Variants in FANCD2OS observed in about 807,000 individuals in gnomAD.
FANCD2OS encodes FANCD2 opposite strand.
In FANCD2OS, 11 loss-of-function variants were observed where a neutral mutation model predicts 13.2. The observed-to-expected ratio is 0.83, with a 90% CI of 0.52 to 1.38. The LOEUF (loss-of-function observed/expected upper bound fraction) is 1.38. FANCD2OS is among the 40% of genes most tolerant of loss of function. FANCD2OS has a pLI of 0.00. For synonymous variants in FANCD2OS, 69 were observed against 84.5 expected (o/e 0.82, Z 1.01); for missense variants, 217 against 213.9 (o/e 1.01, Z -0.09).
intron 2 of FANCD2OS, chr3:10,085,871 G>A (rs1444446954): frequency 6.2e-7 from 1 of 1,613,844 alleles, no homozygotes; most frequent in East Asian, 2.2e-5. Context: ...CATGTCCTTA[G>A]TAGCCGACTG....
downstream of FANCD2OS, among the ~76,000 whole-genome samples, chr3:10,102,648 C>T (rs1006181255): frequency 6.6e-6 from 1 of 151,410 alleles, no homozygotes; most frequent in Non-Finnish European, 1.5e-5. Context: ...CGAGACCATC[C>T]TGGCTAACAC....
intron 2 of FANCD2OS, among the ~76,000 whole-genome samples, chr3:10,082,659 C>T (rs1693915704): frequency 6.6e-6 from 1 of 152,108 alleles, no homozygotes. Context: ...TCTTCTTGAT[C>T]CCCAGCTTTT....
At chr3:10,095,930 G>C (rs987093363) in intron 2 of FANCD2OS, among the ~76,000 whole-genome samples, 2 of 148,156 alleles carry the variant, frequency 1.3e-5, no homozygotes, top group African/African-American at 5.0e-5. Context: ...AGCCCAGGCC[G>C]GAGTGCAGTG....
chr3:10,095,308 C>T (rs1270605965), intron 2 of FANCD2OS: 2 of 1,575,264 alleles, frequency 1.3e-6, no homozygotes, highest in Non-Finnish European at 1.7e-6. Context: ...CAGCAGCCTG[C>T]CTGTTGGCTT....
At chr3:10,101,347 T>A (rs1349040866), downstream of FANCD2OS, 5 of 981,846 alleles carry the variant, frequency 5.1e-6, no homozygotes, top group Non-Finnish European at 8.2e-6. Context: ...CTGTTTGCCT[T>A]TCTTACTGGT....
At chr3:10,091,516 CT>C (rs1375955968) in intron 2 of FANCD2OS, among the ~76,000 whole-genome samples, 1 of 151,944 alleles carries the variant, frequency 6.6e-6, no homozygotes, top group East Asian at 1.9e-4. Flanking sequence ...TGTAGCTTCT[CT>C]GCTTCCCTAT....
intron 1 of FANCD2OS, among the ~76,000 whole-genome samples, 195 bp from the exon 2 acceptor site, chr3:10,104,977 C>T (rs186106014): frequency 1.1e-4 from 16 of 152,160 alleles, no homozygotes; most frequent in African/African-American, 3.4e-4. Context: ...ACAAGAGTCT[C>T]GCTCTGTCAC....
At chr3:10,082,101 C>T (rs1693876587) in intron 2 of FANCD2OS, among the ~76,000 whole-genome samples, 1 of 152,244 alleles carries the variant, frequency 6.6e-6, no homozygotes, top group East Asian at 1.9e-4. Context: ...TGACACCTCA[C>T]ACTCCACATC....
At chr3:10,089,655 A>T (rs995261784) in intron 2 of FANCD2OS, among the ~76,000 whole-genome samples, 2 of 152,080 alleles carry the variant, frequency 1.3e-5, no homozygotes, top group African/African-American at 4.8e-5. Context: ...TTTTTAGTAG[A>T]GATTGGGTTT....
intron 2 of FANCD2OS, among the ~76,000 whole-genome samples, chr3:10,097,265 G>C (rs1263501910): frequency 6.6e-6 from 1 of 152,216 alleles, no homozygotes; most frequent in African/African-American, 2.4e-5. Flanking sequence ...TCAGGAGACA[G>C]GGTTTTGAGA....
At chr3:10,107,721 G>A (rs1013879612) in intron 1 of FANCD2OS, among the ~76,000 whole-genome samples, 1 of 152,044 alleles carries the variant, frequency 6.6e-6, no homozygotes, top group Non-Finnish European at 1.5e-5. Flanking sequence ...GCCAAGGCGG[G>A]CCAATCACTT....
In FANCD2OS at chr3:10,093,330, G is replaced by C. The variant is rs1482801348; in HGVS notation, c.*43+10868C>G. ...TCTGCATGTATGTTTGAAGGTGAGA[G>C]ATTTACTGGGCCCTGTTTCATATTT... On this transcript the variant is annotated intron_variant, in intron 2 of 2. Coordinates refer to the FANCD2OS transcript ENST00000524279. 4 of 1,606,420 alleles carry C rather than the reference G, an allele frequency of 2.5e-6. No homozygotes were observed. The highest frequency in any genetic ancestry group is 3.4e-6 in the Non-Finnish European group (4 of 1,173,106).
intron 2 of FANCD2OS, among the ~76,000 whole-genome samples, chr3:10,086,211 TCCAGGGACCTACTGTCTC>T: frequency 6.6e-6 from 1 of 152,352 alleles, no homozygotes; most frequent in African/African-American, 2.4e-5. Flanking sequence ...CTCTTGATTA[TCCAGGGACCTACTGTCTC>T]CCAGCAGATT....
rs139789014 is a variant in FANCD2OS at position 10,092,331 on chromosome 3, C to T, written c.*44-10800G>A. On this transcript the variant is annotated intron_variant, in intron 2 of 2. Coordinates refer to the FANCD2OS transcript ENST00000524279. ...GTCCTGGCTTCCAAAATGGACTTTC[C>T]TTGCTCCTCTTCCCACTCTTCCTTG... is the stretch of plus-strand genomic sequence containing the variant. 2,118 of 1,064,464 alleles carry T rather than the reference C, an allele frequency of 2.0e-3. 6 individuals carry two copies. Among genetic ancestry groups the T allele is most frequent in the Non-Finnish European group, 2.6e-3 (1,803 of 684,054 alleles). The allele number at this position is 1,064,464 out of a possible 1,614,324, so 65.9% of individuals were successfully genotyped here. A position where few individuals can be genotyped will look rare whatever the true frequency, so the allele number is the denominator to read the frequency against.
downstream of FANCD2OS, chr3:10,099,007 G>A: frequency 6.2e-7 from 1 of 1,613,440 alleles, no homozygotes; most frequent in East Asian, 2.2e-5. Context: ...CACAATCTTA[G>A]AATCACTCCT....
downstream of FANCD2OS, among the ~76,000 whole-genome samples, chr3:10,097,955 A>C (rs897967749): frequency 4.0e-5 from 6 of 151,716 alleles, no homozygotes; most frequent in African/African-American, 1.2e-4. Context: ...TTCCCGCAAC[A>C]ATCTCTAATT....
chr3:10,102,292 C>T (rs12152515), downstream of FANCD2OS, among the ~76,000 whole-genome samples: 36,471 of 151,630 alleles, frequency 0.24, 5,780 homozygotes, highest in African/African-American at 0.45. Context: ...TACAGGCACA[C>T]GCCACCATGC....
chr3:10,089,722 C>A (rs1438445077), intron 2 of FANCD2OS, among the ~76,000 whole-genome samples: 1 of 152,224 alleles, frequency 6.6e-6, no homozygotes, highest in Non-Finnish European at 1.5e-5. Flanking sequence ...CCTGCCTCGG[C>A]CTCTCAAAGT....
At chr3:10,085,848 G>T in intron 2 of FANCD2OS, 1 of 1,613,676 alleles carries the variant, frequency 6.2e-7, no homozygotes, top group Non-Finnish European at 8.5e-7. Flanking sequence ...AGAATTTACT[G>T]TATTCAGCCC....
Sources: gnomAD v4.1 joint callset for allele counts (sites outside exome capture counted in the v4.1 genomes callset) on GRCh38, gnomAD v4.1.1 for gene constraint, MANE v1.5 for transcripts, NCBI Gene and HGNC (gene_info 2026-07-23, HGNC 2026-07-21) for gene names.